PPFIA4: variants seen among roughly 807,000 people sequenced by gnomAD.
The protein encoded by PPFIA4 is PPFI scaffold protein A4.
A neutral mutation model predicts 145.7 loss-of-function variants in PPFIA4; 98 were observed. The ratio of observed to expected loss-of-function variants is 0.67; its 90% CI spans 0.57 to 0.80. The LOEUF is 0.80. Among genes scored for constraint, PPFIA4 ranks in the 30% least tolerant of loss-of-function variants. The pLI, the probability that PPFIA4 is intolerant of heterozygous loss-of-function variation, is 0.00. For synonymous variants in PPFIA4, 628 were observed against 649.6 expected (o/e 0.97, Z 0.51); for missense variants, 1,457 against 1,632.7 (o/e 0.89, Z 1.85).
At chr1:203,054,181 G>T in intron 15 of PPFIA4, 1 of 700,478 alleles carries the variant, frequency 1.4e-6, no homozygotes, top group South Asian at 1.5e-5. Context: ...CTCAGGGCTT[G>T]CGATGTGGCT....
Position 203,063,994 on chromosome 1 carries a change from G to A in PPFIA4, c.3041G>A (p.Ser1014Asn). The change falls in exon 25 of 30, where the codon AGC (serine) becomes AAC (asparagine). Residue 1014 changes from serine (S) to asparagine (N), a missense_variant. Physicochemically the swap from Ser to Asn is conservative, Grantham distance 46. This residue lies in a region of PPFIA4 where 848 missense variants were observed against 1,046.7 expected (regional missense o/e 0.81). Transcript: ENST00000295706. ...DLRVHLKMVDSFHRTSLQYGI... is the reference protein window; with the variant it reads ...DLRVHLKMVDNFHRTSLQYGI... ...CGGGTCCACCTGAAGATGGTGGACA[G>A]CTTCCATCGGTGAGCGCGGCTGGGA... The A allele has an allele frequency of 6.2e-7, 1 of 1,612,886 alleles. No individual in the cohort carries two copies.
intron 24 of PPFIA4, among the ~76,000 whole-genome samples, chr1:203,062,321 CA>C (rs372737723): frequency 1.1e-4 from 16 of 143,304 alleles, no homozygotes; most frequent in African/African-American, 7.7e-5. Flanking sequence ...ACTAAAAATA[CA>C]AAAAAAAAAT....
At position 203,043,756 on chromosome 1, in the gene PPFIA4, C is replaced by T. The variant is rs1290400638; in HGVS notation, c.337-175C>T. Among the ~76,000 whole-genome samples, 1 of 152,172 alleles carries T rather than the reference C, an allele frequency of 6.6e-6. No homozygotes were observed. The highest frequency in any genetic ancestry group is 1.5e-5 in the Non-Finnish European group (1 of 68,032). ...CCTGGGGAGAGGCCGGGGCAGTCAC[C>T]TTGAGTAGTATCAGTTGGGGCGGGA... is the stretch of plus-strand genomic sequence containing the variant. On this transcript the variant is annotated intron_variant, in intron 3 of 29. Transcript: ENST00000295706. This position sits in a 1 kb window ranked among gnomAD's most constrained non-coding sequence, Gnocchi z 4.4.
intron 15 of PPFIA4, 112 bp downstream of exon 15, chr1:203,054,073 C>A: frequency 8.1e-7 from 1 of 1,231,596 alleles, no homozygotes; most frequent in Non-Finnish European, 1.2e-6. Context: ...ACTTAGAGTA[C>A]CACAGTTCAG....
Position 203,075,823 on chromosome 1 carries a change from A to AGGGCC in PPFIA4, c.3574+75_3574+79dup. Reference sequence around the variant, plus strand: ...AGCGCGGGCTTCTTCCTGGCACCCCAGGGCCGGGCCGGGTGGAGAGGGGCG... The same window carrying AGGGCC: ...AGCGCGGGCTTCTTCCTGGCACCCCAGGGCCGGGCCGGGCCGGGTGGAGAGGGGCG... On this transcript the variant is annotated intron_variant, in intron 29 of 29. Transcript: ENST00000295706. This position sits in a 1 kb window ranked among gnomAD's most constrained non-coding sequence, Gnocchi z 4.1. The AGGGCC allele has an allele frequency of 7.5e-7, 1 of 1,330,568 alleles. No homozygotes were observed. The highest frequency in any genetic ancestry group is 9.7e-7 in the Non-Finnish European group (1 of 1,032,986). 82.4% of individuals were successfully genotyped at this position (1,330,568 alleles called of 1,614,324 possible). A position where few individuals can be genotyped will look rare whatever the true frequency, so the allele number is the denominator to read the frequency against.
Position 203,076,381 on chromosome 1 carries a change from C to T in PPFIA4, c.3615C>T (p.Phe1205=). The part of the protein sequence containing the change: ...HYLYGHMLSA[F]RD The stretch of plus-strand genomic sequence containing the variant: ...TCTACGGACACATGCTCTCCGCCTT[C>T]CGGGACTAGCCATGGCCCCCAGGGC... The change falls in exon 30 of 30, where the codon TTC becomes TTT. Residue 1205 remains phenylalanine, a synonymous_variant. Transcript: ENST00000295706. 1 of 1,608,494 alleles carries T rather than the reference C, an allele frequency of 6.2e-7. No homozygotes were observed. Among genetic ancestry groups the T allele is most frequent in the African/African-American group, 1.3e-5 (1 of 75,076 alleles).
rs777906811 is a variant in PPFIA4, at chr1:203,055,486, G to A, written c.1884G>A (p.Thr628=). The change falls in exon 16 of 30, where the codon ACG becomes ACA. Residue 628 remains threonine (T), a synonymous_variant. Coordinates refer to ENST00000295706, the MANE Select transcript of PPFIA4 (RefSeq NM_001304331.2). This position sits in a 1 kb window ranked among gnomAD's most constrained non-coding sequence, Gnocchi z 4.8. ...STELRAEEIE[T]RVTSGSMEAL... is the part of the protein sequence containing the mutation. ...AGCTCCGCGCGGAGGAGATTGAGAC[G>A]CGTGTAACCAGTGGCAGCATGGAAG... The A allele has an allele frequency of 9.3e-6, 15 of 1,613,864 alleles. No homozygotes were observed. The highest frequency in any genetic ancestry group is 5.0e-5 in the Admixed American group (3 of 60,008).
rs1309305504 is a variant in PPFIA4 at position 203,055,156 on chromosome 1, C to G, written c.1830-276C>G. Among the ~76,000 whole-genome samples the G allele has an allele frequency of 6.6e-6, 1 of 152,212 alleles. No homozygotes were observed. Among genetic ancestry groups the G allele is most frequent in the African/African-American group, 2.4e-5 (1 of 41,448 alleles). On this transcript the variant is annotated intron_variant, in intron 15 of 29. Coordinates refer to ENST00000295706, the MANE Select transcript of PPFIA4 (RefSeq NM_001304331.2). The surrounding 1 kb of genome is among the most constrained non-coding windows in gnomAD (Gnocchi z 4.8). Reference sequence around the variant, plus strand: ...GCAAAATACCTGACTCAAGGCCACCCTATAGTTAGGGGTATGTCAAGAATT... The same window carrying G: ...GCAAAATACCTGACTCAAGGCCACCGTATAGTTAGGGGTATGTCAAGAATT...
chr1:203,036,251 A>G lies in PPFIA4; in HGVS notation c.-399-2359A>G, dbSNP rs527845233. On this transcript the variant is annotated intron_variant, in intron 1 of 29. Transcript: ENST00000295706. ...GATCTCATCCCTCTAAGGAAGGCAA[A>G]ACCAGGGTTGTGGGTTTTGTCTTGT... is the stretch of plus-strand genomic sequence containing the variant. Among the ~76,000 whole-genome samples, 13 of 152,286 alleles carry G rather than the reference A, an allele frequency of 8.5e-5. No homozygotes were observed. In the South Asian group the frequency reaches 1.2e-3, roughly 15 times the overall value.
chr1:203,047,056 C>T (rs1284366354), intron 9 of PPFIA4, among the ~76,000 whole-genome samples: 1 of 152,202 alleles, frequency 6.6e-6, no homozygotes, highest in African/African-American at 2.4e-5. Flanking sequence ...GGAGCGTTTT[C>T]AGCTGGTCAG....
chr1:203,042,654 C>T (rs139432116), intron 2 of PPFIA4, among the ~76,000 whole-genome samples: 1,567 of 152,176 alleles, frequency 0.01, 30 homozygotes, highest in African/African-American at 0.034. Context: ...TTTTATTTTT[C>T]GAGACGGAGG....
At chr1:203,035,258 G>A (rs1558063253) in intron 1 of PPFIA4, 1 of 456,498 alleles carries the variant, frequency 2.2e-6, no homozygotes, top group Non-Finnish European at 4.4e-6. Context: ...CCCGGGCTGT[G>A]GTCTCCGCAG....
rs539881991 is a variant in PPFIA4 at position 203,063,524 on chromosome 1, A to G, written c.2875-304A>G. On this transcript the variant is annotated intron_variant, in intron 24 of 29. Transcript: ENST00000295706. Reference sequence around the variant, plus strand: ...CTGCACAATACCGCAAATGCAACCCAGAGTCAACAGGAAGGATTTCATATT... The same window carrying G: ...CTGCACAATACCGCAAATGCAACCCGGAGTCAACAGGAAGGATTTCATATT... 110 of 309,148 alleles carry G rather than the reference A, an allele frequency of 3.6e-4. 3 individuals carry two copies. The highest frequency in any genetic ancestry group is 2.0e-3 in the South Asian group (64 of 32,758). 19.2% of individuals were successfully genotyped at this position (309,148 alleles called of 1,614,324 possible).
At chr1:203,054,245 A>T (rs1287556713) in intron 15 of PPFIA4, 1 of 629,994 alleles carries the variant, frequency 1.6e-6, no homozygotes, top group African/African-American at 1.8e-5. Context: ...GATCTTAACC[A>T]CTAAGAGTGT....
chr1:203,046,059 G>A, intron 8 of PPFIA4, 72 bp downstream of exon 8: 2 of 1,598,826 alleles, frequency 1.3e-6, no homozygotes, highest in South Asian at 1.1e-5. Flanking sequence ...ACCTACTGGT[G>A]ATGGCTGAGG....
intron 25 of PPFIA4, among the ~76,000 whole-genome samples, chr1:203,065,743 A>G (rs1438362244): frequency 6.6e-6 from 1 of 152,242 alleles, no homozygotes; most frequent in East Asian, 1.9e-4. Flanking sequence ...GATATTTTAA[A>G]ACCTTATTTT....
At position 203,060,958 on chromosome 1, in the gene PPFIA4, C is replaced by T; in HGVS notation, c.2785-12C>T. ...ACACCCAGGACCAGCTAGGTTTCCTCTCTGCCTGCAGTCTTCTGGGAATGT... is the reference window on the plus strand; with the variant it reads ...ACACCCAGGACCAGCTAGGTTTCCTTTCTGCCTGCAGTCTTCTGGGAATGT... On this transcript the variant is annotated splice_polypyrimidine_tract_variant and intron_variant, in intron 22 of 29. Coordinates refer to ENST00000295706, the MANE Select transcript of PPFIA4 (RefSeq NM_001304331.2). The surrounding 1 kb of genome is among the most constrained non-coding windows in gnomAD (Gnocchi z 4.8). 6.2e-7 allele frequency: 1 copy of T among 1,613,898 alleles called. No individual in the cohort carries two copies. Among genetic ancestry groups the T allele is most frequent in the Non-Finnish European group, 8.5e-7 (1 of 1,179,816 alleles).
intron 1 of PPFIA4, chr1:203,037,216 G>A (rs1465770659): frequency 1.1e-5 from 4 of 353,992 alleles, no homozygotes; most frequent in South Asian, 4.0e-5. Flanking sequence ...GGAGAGGCCC[G>A]GCCCTTCTCT....
chr1:203,045,790 T>A, intron 7 of PPFIA4, 51 bp from the exon 8 acceptor site: 1 of 1,611,514 alleles, frequency 6.2e-7, no homozygotes, highest in Non-Finnish European at 8.5e-7. Context: ...GTAGACAGGA[T>A]GGGGGCAAGG....
Sources: gnomAD v4.1 joint callset for allele counts (sites outside exome capture counted in the v4.1 genomes callset) on GRCh38, gnomAD v4.1.1 for gene constraint, gnomAD v4.1.1 regional missense constraint, Gnocchi (gnomAD v3.1) non-coding constraint, MANE v1.5 for transcripts, NCBI Gene and HGNC (gene_info 2026-07-23, HGNC 2026-07-21) for gene names.